BIRC6: variants seen among roughly 807,000 people sequenced by gnomAD.
BIRC6 encodes baculoviral IAP repeat containing 6.
A neutral mutation model predicts 503.3 loss-of-function variants in BIRC6; 98 were observed. The observed-to-expected ratio is 0.19, with a 90% confidence interval of 0.17 to 0.23. BIRC6 has a LOEUF of 0.23. Among genes scored for constraint, BIRC6 ranks in the 10% least tolerant of loss-of-function variants. BIRC6 has a pLI of 1.00. For missense variants in BIRC6, 5,360 were observed against 5,806.0 expected (o/e 0.92, Z 2.50); for synonymous variants, 2,240 against 2,078.7 (o/e 1.08, Z -2.11).
intron 53 of BIRC6, 93 bp downstream of exon 53, chr2:32,510,727 T>G: frequency 1.2e-6 from 1 of 830,556 alleles, no homozygotes; most frequent in South Asian, 1.5e-5. Context: ...GATGATCTCA[T>G]AAAAGACAAT....
At chr2:32,459,469 G>A (rs1272210536) in intron 23 of BIRC6, among the ~76,000 whole-genome samples, 2 of 152,094 alleles carry the variant, frequency 1.3e-5, no homozygotes, top group Non-Finnish European at 2.9e-5. Flanking sequence ...GTACCTATGA[G>A]TACAACCTAC....
At chr2:32,578,149 C>T (rs568112918) in intron 66 of BIRC6, among the ~76,000 whole-genome samples, 100 of 152,160 alleles carry the variant, frequency 6.6e-4, no homozygotes, top group Non-Finnish European at 1.3e-3. Context: ...GTTACTACAT[C>T]TCTACTTTCA....
At chr2:32,531,935 T>C (rs1461933395) in intron 61 of BIRC6, among the ~76,000 whole-genome samples, 1 of 152,238 alleles carries the variant, frequency 6.6e-6, no homozygotes, top group Non-Finnish European at 1.5e-5. Flanking sequence ...TTACCTTTTA[T>C]TCCTGTTTCA....
chr2:32,534,809 G>A (rs1384648399), intron 61 of BIRC6, among the ~76,000 whole-genome samples: 1 of 148,916 alleles, frequency 6.7e-6, no homozygotes, highest in East Asian at 2.0e-4. Context: ...GAACATAAGA[G>A]CTGTATGGAC....
At chr2:32,491,391 A>G (rs200157382) in intron 43 of BIRC6, 34 bp from the exon 44 acceptor site, 2 of 1,559,902 alleles carry the variant, frequency 1.3e-6, no homozygotes, top group African/African-American at 1.4e-5. Flanking sequence ...TTCATGGTCC[A>G]TTTCTTAAGA....
At chr2:32,438,359 C>T (rs1249780784) in intron 15 of BIRC6, among the ~76,000 whole-genome samples, 3 of 152,050 alleles carry the variant, frequency 2.0e-5, no homozygotes, top group Non-Finnish European at 4.4e-5. Context: ...GCTAGCACAG[C>T]AGGCAGGTAG....
chr2:32,444,764 AT>A (rs1326769596), intron 20 of BIRC6, among the ~76,000 whole-genome samples: 1 of 152,178 alleles, frequency 6.6e-6, no homozygotes, highest in Non-Finnish European at 1.5e-5. Flanking sequence ...AACAAAAAAA[AT>A]GCTTGTTTAG....
At chr2:32,403,350 C>T (rs558600168) in intron 8 of BIRC6, among the ~76,000 whole-genome samples, 11 of 152,214 alleles carry the variant, frequency 7.2e-5, no homozygotes, top group East Asian at 3.9e-4. Flanking sequence ...TAAGCTTATC[C>T]AAGAAGTTTA....
At chr2:32,512,523 T>G (rs1425420924) in intron 53 of BIRC6, among the ~76,000 whole-genome samples, 1 of 152,160 alleles carries the variant, frequency 6.6e-6, no homozygotes, top group Non-Finnish European at 1.5e-5. Context: ...TTATAAAAAT[T>G]ATACTTAAAA....
chr2:32,476,025 C>T (rs1471441131), intron 33 of BIRC6, among the ~76,000 whole-genome samples, 188 bp from the exon 34 acceptor site: 2 of 151,876 alleles, frequency 1.3e-5, no homozygotes, highest in Non-Finnish European at 2.9e-5. Flanking sequence ...TTAATGAAAA[C>T]AGGGAGAGAT....
At chr2:32,603,269 A>C (rs558957062) in intron 71 of BIRC6, among the ~76,000 whole-genome samples, 186 bp downstream of exon 71, 1 of 152,328 alleles carries the variant, frequency 6.6e-6, no homozygotes, top group Admixed American at 6.5e-5. Flanking sequence ...TGTAATCTAA[A>C]ATCTCAAGTT....
intron 30 of BIRC6, 37 bp from the exon 31 acceptor site, chr2:32,470,130 AT>A: frequency 7.2e-7 from 1 of 1,394,538 alleles, no homozygotes; most frequent in Non-Finnish European, 9.4e-7. Context: ...AATCGAATTG[AT>A]TCTTATTCTT....
chr2:32,509,665 T>G (rs1023513364), intron 51 of BIRC6, 73 bp from the exon 52 acceptor site: 1 of 1,545,724 alleles, frequency 6.5e-7, no homozygotes, highest in African/African-American at 1.4e-5. Context: ...TGCTGATCTT[T>G]AAAAAGTTAT....
intron 65 of BIRC6, among the ~76,000 whole-genome samples, chr2:32,573,426 C>T (rs1392197311): frequency 3.3e-5 from 5 of 152,086 alleles, no homozygotes; most frequent in Non-Finnish European, 2.9e-5. Flanking sequence ...GAACTCCTGA[C>T]CCCCGGTGAT....
At chr2:32,579,716 TAAAAA>T (rs1419054584) in intron 66 of BIRC6, among the ~76,000 whole-genome samples, 1 of 151,718 alleles carries the variant, frequency 6.6e-6, no homozygotes, top group African/African-American at 2.4e-5. Flanking sequence ...ATAAAGAAAA[TAAAAA>T]AGAAAGCTGG....
chr2:32,492,532 G>A (rs546121054), intron 44 of BIRC6, among the ~76,000 whole-genome samples: 299 of 152,046 alleles, frequency 2.0e-3, no homozygotes, highest in African/African-American at 6.7e-3. Context: ...AAGACTCCTC[G>A]GGATCACCAA....
At chr2:32,551,633 G>T (rs1247668585) in intron 65 of BIRC6, among the ~76,000 whole-genome samples, 1 of 152,098 alleles carries the variant, frequency 6.6e-6, no homozygotes, top group East Asian at 1.9e-4. Context: ...GTCTTCCTTA[G>T]ACTTAGTAAA....
At chr2:32,532,134 CGTGTGTGTGTGTGT>C (rs138437601) in intron 61 of BIRC6, 29 of 449,716 alleles carry the variant, frequency 6.4e-5, no homozygotes, top group Non-Finnish European at 1.2e-4. Context: ...GATTTCATGT[CGTGTGTGTGTGTGT>C]GTGTGTGTGT....
At chr2:32,449,005 T>C (rs1459207294) in intron 22 of BIRC6, 77 bp downstream of exon 22, 9 of 1,379,098 alleles carry the variant, frequency 6.5e-6, no homozygotes, top group Non-Finnish European at 9.0e-6. Context: ...TAATAGATTA[T>C]AGTCATGATG....
Sources: gnomAD v4.1 joint callset for allele counts (sites outside exome capture counted in the v4.1 genomes callset) on GRCh38, gnomAD v4.1.1 for gene constraint, MANE v1.5 for transcripts, NCBI Gene and HGNC (gene_info 2026-07-23, HGNC 2026-07-21) for gene names.